CACNB2: variants seen among roughly 807,000 people sequenced by gnomAD.
CACNB2 encodes voltage-dependent L-type calcium channel subunit beta-2.
In CACNB2, 42 loss-of-function variants were observed where a neutral mutation model predicts 73.3. The observed-to-expected ratio is 0.57, with a 90% CI of 0.45 to 0.74. CACNB2 has a LOEUF of 0.74. Among genes scored for constraint, CACNB2 ranks in the 30% least tolerant of loss-of-function variants. The pLI is 0.00. For synonymous variants in CACNB2, 348 were observed against 310.3 expected (o/e 1.12, Z -1.28); for missense variants, 940 against 853.0 (o/e 1.10, Z -1.27).
chr10:18,460,169 G>A (rs2132668168), intron 3 of CACNB2, among the ~76,000 whole-genome samples: 1 of 152,274 alleles, frequency 6.6e-6, no homozygotes, highest in Admixed American at 6.5e-5. Flanking sequence ...ATAAAAGAAA[G>A]GCCTGGGAGA....
At chr10:18,368,703 A>G (rs1239377951) in intron 2 of CACNB2, among the ~76,000 whole-genome samples, 1 of 152,218 alleles carries the variant, frequency 6.6e-6, no homozygotes, top group East Asian at 1.9e-4. Context: ...TTTTAGGAAT[A>G]CAAACATTCA....
At chr10:18,358,537 T>TCTCTCTCTCTCTCTCG (rs1225607922) in intron 2 of CACNB2, among the ~76,000 whole-genome samples, 18 of 34,398 alleles carry the variant, frequency 5.2e-4, no homozygotes, top group African/African-American at 1.8e-3. Context: ...TCTCTCTCTC[T>TCTCTCTCTCTCTCTCG]CTCTCTCTCT....
At chr10:18,335,818 C>T (rs907160094) in intron 2 of CACNB2, among the ~76,000 whole-genome samples, 58 of 151,354 alleles carry the variant, frequency 3.8e-4, no homozygotes, top group Admixed American at 6.6e-4. Context: ...CACACACACA[C>T]ACACACATAC....
intron 3 of CACNB2, among the ~76,000 whole-genome samples, chr10:18,408,492 G>T (rs1269342219): frequency 3.3e-5 from 5 of 151,986 alleles, no homozygotes; most frequent in African/African-American, 1.2e-4. Flanking sequence ...GCCCACCTTG[G>T]ACTCTTGAAG....
chr10:18,261,205 A>G (rs1046997944), intron 2 of CACNB2: 5 of 1,549,740 alleles, frequency 3.2e-6, no homozygotes, highest in Non-Finnish European at 4.4e-6. Context: ...CGAGGCTGTG[A>G]CGAGAAGACA....
At chr10:18,366,569 C>T (rs1030094140) in intron 2 of CACNB2, among the ~76,000 whole-genome samples, 1 of 146,086 alleles carries the variant, frequency 6.8e-6, no homozygotes, top group South Asian at 2.2e-4. Flanking sequence ...TTGGGCTGGG[C>T]AGAGTGGCTC....
chr10:18,222,419 C>CACACACAA (rs1205542067), intron 2 of CACNB2, among the ~76,000 whole-genome samples: 52 of 92,886 alleles, frequency 5.6e-4, no homozygotes, highest in Middle Eastern at 6.2e-3. Flanking sequence ...CACACACACA[C>CACACACAA]ACACACACAC....
intron 9 of CACNB2, among the ~76,000 whole-genome samples, chr10:18,524,148 C>A (rs2052202797): frequency 6.6e-6 from 1 of 151,666 alleles, no homozygotes; most frequent in African/African-American, 2.4e-5. Context: ...AGGATGGTGA[C>A]AGGTAAATTA....
chr10:18,533,877 T>C (rs550436786), intron 10 of CACNB2, among the ~76,000 whole-genome samples, 199 bp from the exon 11 acceptor site: 29 of 152,284 alleles, frequency 1.9e-4, no homozygotes, highest in Admixed American at 3.9e-4. Flanking sequence ...GACAGAAAAA[T>C]TCCTTAAATC....
chr10:18,314,754 C>T (rs912389543), intron 2 of CACNB2, among the ~76,000 whole-genome samples: 2 of 152,088 alleles, frequency 1.3e-5, no homozygotes, highest in East Asian at 3.9e-4. Flanking sequence ...AGAATAAAAA[C>T]GTCTCCAAGG....
intron 2 of CACNB2, among the ~76,000 whole-genome samples, chr10:18,168,324 A>C (rs918128206): frequency 1.3e-5 from 2 of 152,184 alleles, no homozygotes; most frequent in African/African-American, 2.4e-5. Flanking sequence ...TGAGGCTGGA[A>C]GGACTGCTGC....
intron 2 of CACNB2, among the ~76,000 whole-genome samples, chr10:18,394,166 C>T (rs898740729): frequency 3.3e-5 from 4 of 122,614 alleles, no homozygotes; most frequent in Non-Finnish European, 7.4e-5. Context: ...GGTCTCTTGG[C>T]CAGGCTGGTC....
chr10:18,173,535 T>G (rs1056361235), intron 2 of CACNB2, among the ~76,000 whole-genome samples: 7 of 152,130 alleles, frequency 4.6e-5, no homozygotes, highest in African/African-American at 1.7e-4. Flanking sequence ...AGGAATGAGG[T>G]TCCTGAGAGC....
At chr10:18,508,409 C>G (rs983979606) in intron 6 of CACNB2, among the ~76,000 whole-genome samples, 1 of 152,130 alleles carries the variant, frequency 6.6e-6, no homozygotes, top group African/African-American at 2.4e-5. Flanking sequence ...TGTTCCTTCT[C>G]AAATGTGTGA....
At chr10:18,340,746 G>A (rs946349042) in intron 2 of CACNB2, 8 of 1,496,668 alleles carry the variant, frequency 5.3e-6, no homozygotes, top group Middle Eastern at 4.6e-4. Context: ...GTTGTGATCC[G>A]ACGAACTTTA....
chr10:18,311,998 T>A (rs941826874), intron 2 of CACNB2, among the ~76,000 whole-genome samples: 2 of 152,204 alleles, frequency 1.3e-5, no homozygotes, highest in African/African-American at 4.8e-5. Flanking sequence ...ATGTCAGTAT[T>A]TACTTTAAAC....
At chr10:18,206,956 T>C (rs1277763) in intron 2 of CACNB2, among the ~76,000 whole-genome samples, 98,216 of 152,050 alleles carry the variant, frequency 0.65, 34,177 homozygotes, top group Non-Finnish European at 0.79. Flanking sequence ...ATAAAATATT[T>C]TGAGGGAGAG....
chr10:18,205,858 G>A (rs2035067774), intron 2 of CACNB2, among the ~76,000 whole-genome samples: 1 of 152,156 alleles, frequency 6.6e-6, no homozygotes, highest in Non-Finnish European at 1.5e-5. Context: ...ATCAGAGACA[G>A]GAAGGCATCT....
chr10:18,228,663 T>C (rs2036109285), intron 2 of CACNB2, among the ~76,000 whole-genome samples: 1 of 152,116 alleles, frequency 6.6e-6, no homozygotes, highest in South Asian at 2.1e-4. Context: ...GGGACAGATA[T>C]CACTCAATGA....
Sources: allele counts gnomAD v4.1 joint callset (sites outside exome capture counted in the v4.1 genomes callset), GRCh38; gene constraint gnomAD v4.1.1; transcripts MANE v1.5; gene names NCBI Gene and HGNC (gene_info 2026-07-23, HGNC 2026-07-21).